The following CPEB4 variants were observed in gnomAD, a reference collection of about 807,000 sequenced individuals.
CPEB4 encodes the protein cytoplasmic polyadenylation element-binding protein 4.
A neutral mutation model predicts 72.5 loss-of-function variants in CPEB4; 12 were observed. The ratio of observed to expected loss-of-function variants is 0.17; its 90% CI spans 0.11 to 0.27. The LOEUF is 0.27. Ranked by LOEUF, CPEB4 falls within the 10% of genes least tolerant of loss-of-function variation. The pLI is 1.00. For missense variants in CPEB4, 614 were observed against 908.5 expected (o/e 0.68, Z 4.17); for synonymous variants, 302 against 326.3 (o/e 0.93, Z 0.80).
intron 2 of CPEB4, among the ~76,000 whole-genome samples, chr5:173,926,275 C>T (rs1757238551): frequency 6.6e-6 from 1 of 152,094 alleles, no homozygotes; most frequent in Non-Finnish European, 1.5e-5. Context: ...CTTATATATA[C>T]TGCTAATGTA....
In CPEB4 at chr5:173,961,871, A is replaced by C. The variant is rs1313522389; in HGVS notation, c.*5734A>C. ...CTGAAATGTGTAATAACCGAATAAT[A>C]AACAAGACAAAACTCTAATATTTCA... On this transcript the variant is annotated 3_prime_UTR_variant, in exon 10 of 10. Coordinates refer to ENST00000265085, the MANE Select transcript of CPEB4 (RefSeq NM_030627.4). 2 of 151,998 alleles carry C rather than the reference A, an allele frequency of 1.3e-5. No individual in the cohort carries two copies. The highest frequency in any genetic ancestry group is 2.9e-5 in the Non-Finnish European group (2 of 68,004). 9.4% of individuals were successfully genotyped at this position (151,998 alleles called of 1,614,324 possible).
rs942860013 is a variant in CPEB4 at position 173,961,753 on chromosome 5, T to A, written c.*5616T>A. 3 of 151,576 alleles carry A rather than the reference T, an allele frequency of 2.0e-5. No individual in the cohort carries two copies. Among genetic ancestry groups the A allele is most frequent in the African/African-American group, 7.3e-5 (3 of 41,244 alleles). The allele number at this position is 151,576 out of a possible 1,614,324, so 9.4% of individuals were successfully genotyped here. A position where few individuals can be genotyped will look rare whatever the true frequency, so the allele number is the denominator to read the frequency against. On this transcript the variant is annotated 3_prime_UTR_variant, in exon 10 of 10. Coordinates refer to ENST00000265085, the MANE Select transcript of CPEB4 (RefSeq NM_030627.4). The stretch of plus-strand genomic sequence containing the variant: ...TTTTTAAGTTTGGGAAATAGTTTGA[T>A]CAAAAGTCATGGGGAAAGTAATCTC...
intron 1 of CPEB4, 29 bp from the exon 2 acceptor site, chr5:173,910,494 A>T (rs1023194994): frequency 1.3e-6 from 2 of 1,512,112 alleles, no homozygotes; most frequent in African/African-American, 2.8e-5. Context: ...CTATTTTAAA[A>T]AGTGGTTTGT....
chr5:173,926,851 AGATAGAT>A (rs1757258194), intron 2 of CPEB4, among the ~76,000 whole-genome samples: 1 of 152,210 alleles, frequency 6.6e-6, no homozygotes, highest in South Asian at 2.1e-4. Context: ...TAATGATTAA[AGATAGAT>A]GAGTTCTTGG....
intron 2 of CPEB4, among the ~76,000 whole-genome samples, chr5:173,931,361 G>A (rs1163496993): frequency 6.6e-6 from 1 of 152,162 alleles, no homozygotes; most frequent in East Asian, 1.9e-4. Flanking sequence ...TGAGAGTCAT[G>A]GTTCTGTGGG....
In CPEB4 at chr5:173,901,541, T is replaced by C. The variant is rs575936281; in HGVS notation, c.1126-8982T>C. 3.3e-5 allele frequency among the ~76,000 whole-genome samples: 5 copies of C among 152,316 alleles called. No individual in the cohort carries two copies. The East Asian group carries it at 9.6e-4, about 29-fold the overall frequency. ...CACGTATATATAGTGAAGGATTTCA[T>C]ACCTGGCAGGTAATAATAGAGCAAA... On this transcript the variant is annotated intron_variant, in intron 1 of 9. Coordinates refer to ENST00000265085, the MANE Select transcript of CPEB4 (RefSeq NM_030627.4).
intron 2 of CPEB4, among the ~76,000 whole-genome samples, chr5:173,922,998 A>G (rs1208897523): frequency 6.6e-6 from 1 of 152,262 alleles, no homozygotes; most frequent in Non-Finnish European, 1.5e-5. Context: ...TAGAAGATTA[A>G]TAAGAGGAAA....
intron 2 of CPEB4, among the ~76,000 whole-genome samples, chr5:173,931,983 C>T (rs144614420): frequency 1.3e-4 from 20 of 152,328 alleles, no homozygotes; most frequent in African/African-American, 4.3e-4. Context: ...AAATGTTCTT[C>T]TTCCCTCTGA....
chr5:173,906,186 C>T (rs926904918), intron 1 of CPEB4, among the ~76,000 whole-genome samples: 5 of 152,194 alleles, frequency 3.3e-5, no homozygotes, highest in African/African-American at 9.6e-5. Context: ...AATCAAAGCA[C>T]TCTTATTCTT....
Position 173,945,112 on chromosome 5 carries a change from A to G in CPEB4, c.1428A>G (p.Val476=). The stretch of plus-strand genomic sequence containing the variant: ...AACGATATTCTCGAAAGGTGTTTGT[A>G]GGCGGATTGCCTCCAGACATTGATG... ...RVERYSRKVF[V]GGLPPDIDED... is the part of the protein sequence containing the mutation. Residue 476 remains valine, a synonymous_variant, in exon 5 of 10, where the codon GTA becomes GTG. Transcript: ENST00000265085. 6.2e-7 allele frequency: 1 copy of G among 1,613,708 alleles called. No individual in the cohort carries two copies. Among genetic ancestry groups the G allele is most frequent in the Non-Finnish European group, 8.5e-7 (1 of 1,179,834 alleles).
chr5:173,897,435 T>C (rs2113131659), intron 1 of CPEB4, among the ~76,000 whole-genome samples: 1 of 152,326 alleles, frequency 6.6e-6, no homozygotes, highest in East Asian at 1.9e-4. Flanking sequence ...TTAAAAAATA[T>C]TTTAATGTAT....
intron 2 of CPEB4, among the ~76,000 whole-genome samples, chr5:173,915,808 A>G (rs1482156793): frequency 6.6e-6 from 1 of 152,258 alleles, no homozygotes; most frequent in African/African-American, 2.4e-5. Flanking sequence ...CATGAAATAG[A>G]TTAAAACCAC....
At chr5:173,933,519 A>G (rs528799921) in intron 3 of CPEB4, among the ~76,000 whole-genome samples, 51 of 152,344 alleles carry the variant, frequency 3.3e-4, no homozygotes, top group African/African-American at 1.2e-3. Context: ...CTTGGTCATC[A>G]GATGTAGGTC....
rs1018882566 is a variant in CPEB4, at chr5:173,959,324, C to A, written c.*3187C>A. The A allele has an allele frequency of 1.3e-5, 2 of 152,692 alleles. No individual in the cohort carries two copies. The highest frequency in any genetic ancestry group is 4.8e-5 in the African/African-American group (2 of 41,420). The allele number at this position is 152,692 out of a possible 1,614,324, so 9.5% of individuals were successfully genotyped here. ...CTCTCCTTTCCCCTTCTGGTCCCTG[C>A]GCTTTGGTATAATATATATACTTCT... On this transcript the variant is annotated 3_prime_UTR_variant, in exon 10 of 10. Coordinates refer to ENST00000265085, the MANE Select transcript of CPEB4 (RefSeq NM_030627.4).
intron 2 of CPEB4, among the ~76,000 whole-genome samples, chr5:173,922,321 C>T (rs1387234142): frequency 2.0e-5 from 3 of 152,086 alleles, no homozygotes; most frequent in Non-Finnish European, 4.4e-5. Context: ...GCCTCCGCCT[C>T]CTGGGCTCAA....
rs1384884550 is a variant in CPEB4, at chr5:173,959,433, T to C, written c.*3296T>C. ...TTATGAGAGTGCTGTTGGAAAGACTTGATAATTCACCCCTTTTGTTTTGAA... is the reference window on the plus strand; with the variant it reads ...TTATGAGAGTGCTGTTGGAAAGACTCGATAATTCACCCCTTTTGTTTTGAA... On this transcript the variant is annotated 3_prime_UTR_variant, in exon 10 of 10. Coordinates refer to ENST00000265085, the MANE Select transcript of CPEB4 (RefSeq NM_030627.4). 1.3e-5 allele frequency: 2 copies of C among 152,782 alleles called. No homozygotes were observed. Among genetic ancestry groups the C allele is most frequent in the Admixed American group, 1.3e-4 (2 of 15,278 alleles). The allele number at this position is 152,782 out of a possible 1,614,324, so 9.5% of individuals were successfully genotyped here.
intron 1 of CPEB4, among the ~76,000 whole-genome samples, chr5:173,898,752 C>T (rs1197222496): frequency 6.6e-6 from 1 of 152,210 alleles, no homozygotes. Context: ...TCTTGGTTCA[C>T]AGCAACCACC....
Position 173,950,355 on chromosome 5 carries a change from A to G in CPEB4, c.1665+277A>G, listed in dbSNP as rs990632120. On this transcript the variant is annotated intron_variant, in intron 7 of 9. Coordinates refer to ENST00000265085, the MANE Select transcript of CPEB4 (RefSeq NM_030627.4). This position sits in a 1 kb window ranked among gnomAD's most constrained non-coding sequence, Gnocchi z 5.0. ...CATGGTGGCTCACACCTGTAATCCC[A>G]GCACTTTGGGAGGCCGAAGCAGGTG... Among the ~76,000 whole-genome samples the G allele has an allele frequency of 4.6e-5, 7 of 152,226 alleles. No homozygotes were observed. In the South Asian group the frequency reaches 8.3e-4, roughly 18 times the overall value.
intron 2 of CPEB4, among the ~76,000 whole-genome samples, chr5:173,930,596 T>C (rs943480821): frequency 2.0e-5 from 3 of 152,136 alleles, no homozygotes; most frequent in African/African-American, 7.2e-5. Context: ...TCCATCTCCA[T>C]TCCTACCTCC....
Sources: gnomAD v4.1 joint callset for allele counts (sites outside exome capture counted in the v4.1 genomes callset) on GRCh38, gnomAD v4.1.1 for gene constraint, Gnocchi (gnomAD v3.1) non-coding constraint, MANE v1.5 for transcripts, NCBI Gene and HGNC (gene_info 2026-07-23, HGNC 2026-07-21) for gene names.